The following PDLIM5 variants were observed in gnomAD, a reference collection of about 807,000 sequenced individuals.
PDLIM5 encodes the protein PDZ and LIM domain protein 5.
PDLIM5 carries 34 observed loss-of-function variants against 64.2 expected under a neutral mutation model. That is an observed-to-expected ratio of 0.53 (90% CI 0.40 to 0.71). PDLIM5 has a LOEUF of 0.71. Among genes scored for constraint, PDLIM5 ranks in the 30% least tolerant of loss-of-function variants. PDLIM5 has a pLI of 0.00. For synonymous variants in PDLIM5, 253 were observed against 269.1 expected (o/e 0.94, Z 0.59); for missense variants, 683 against 733.6 (o/e 0.93, Z 0.80).
rs146475252 is a variant in PDLIM5, at chr4:94,512,366, G to A, written c.97-11358G>A. The stretch of plus-strand genomic sequence containing the variant: ...AGGAGCCTTCAAACTGTTCTCCATA[G>A]TGTTGTACTAATTTACGTTCCCACC... On this transcript the variant is annotated intron_variant, in intron 2 of 12. Transcript: ENST00000317968. Among the ~76,000 whole-genome samples, 7 of 152,194 alleles carry A rather than the reference G, an allele frequency of 4.6e-5. No homozygotes were observed. The East Asian group carries it at 1.4e-3, about 29-fold the overall frequency.
intron 3 of PDLIM5, among the ~76,000 whole-genome samples, chr4:94,563,275 A>C (rs1241601089): frequency 6.6e-6 from 1 of 152,224 alleles, no homozygotes; most frequent in Non-Finnish European, 1.5e-5. Context: ...TCTACTTATT[A>C]ATGAATGTGA....
At chr4:94,531,983 C>T (rs1730915524) in intron 3 of PDLIM5, among the ~76,000 whole-genome samples, 1 of 151,918 alleles carries the variant, frequency 6.6e-6, no homozygotes, top group African/African-American at 2.4e-5. Flanking sequence ...TAGAAACATT[C>T]GTTTGGATAC....
intron 8 of PDLIM5, among the ~76,000 whole-genome samples, chr4:94,618,698 C>T (rs1031714302): frequency 6.6e-6 from 1 of 151,234 alleles, no homozygotes; most frequent in African/African-American, 2.5e-5. Context: ...TGCCTGGCCT[C>T]AGTTTGGAAA....
At chr4:94,569,039 TC>T (rs1438195294) in intron 3 of PDLIM5, among the ~76,000 whole-genome samples, 1 of 152,188 alleles carries the variant, frequency 6.6e-6, no homozygotes. Flanking sequence ...TTCTTATTCT[TC>T]CATGACACGA....
chr4:94,605,607 T>C (rs1032929949), intron 7 of PDLIM5, among the ~76,000 whole-genome samples: 3 of 152,188 alleles, frequency 2.0e-5, no homozygotes, highest in Non-Finnish European at 2.9e-5. Context: ...GTTTGTTCCA[T>C]AGTAAATGAG....
intron 3 of PDLIM5, among the ~76,000 whole-genome samples, chr4:94,545,971 A>G (rs1253247316): frequency 6.6e-6 from 1 of 152,160 alleles, no homozygotes; most frequent in Admixed American, 6.6e-5. Flanking sequence ...ATTTTGTAAC[A>G]ACTCCTAGAC....
Position 94,575,615 on chromosome 4 carries a change from G to A in PDLIM5, c.292-1G>A. The A allele has an allele frequency of 3.9e-6, 6 of 1,547,118 alleles. No individual in the cohort carries two copies. The highest frequency in any genetic ancestry group is 5.3e-6 in the Non-Finnish European group (6 of 1,141,958). On this transcript the variant is annotated splice_acceptor_variant, in intron 4 of 12. Transcript: ENST00000317968. LOFTEE classifies it high-confidence loss of function. ...TGTATGTTTATTTTTGTTTTACATA[G>A]GGAGAACCTAAAGAAGTAGTTAAAC...
rs146699097 is a variant in PDLIM5, at chr4:94,555,200, C to T, written c.249-18151C>T. Reference sequence around the variant, plus strand: ...TCTTGAGTAGCTGGGATTACAGGCACGCACCACTATGCCTGGCTAATTTTT... The same window carrying T: ...TCTTGAGTAGCTGGGATTACAGGCATGCACCACTATGCCTGGCTAATTTTT... On this transcript the variant is annotated intron_variant, in intron 3 of 12. Transcript: ENST00000317968. Among the ~76,000 whole-genome samples the T allele has an allele frequency of 5.5e-3, 839 of 151,878 alleles. 9 individuals are homozygous for T. Among genetic ancestry groups the T allele is most frequent in the African/African-American group, 0.019 (799 of 41,358 alleles).
chr4:94,457,427 T>A (rs1254748827), intron 2 of PDLIM5, among the ~76,000 whole-genome samples: 2 of 152,226 alleles, frequency 1.3e-5, no homozygotes, highest in Non-Finnish European at 2.9e-5. Context: ...TTATTTCTTC[T>A]ACTGATGATC....
intron 3 of PDLIM5, among the ~76,000 whole-genome samples, chr4:94,570,873 G>T (rs1202472139): frequency 1.3e-5 from 2 of 152,110 alleles, no homozygotes; most frequent in African/African-American, 4.8e-5. Flanking sequence ...CTGTGTGATT[G>T]TTTACGAGTT....
At position 94,618,037 on chromosome 4, in the gene PDLIM5, C is replaced by T; in HGVS notation, c.954C>T (p.Ser318=). ...AGGAGCCTTCTCCGCAGTTGGCTTCCTCGGTAGCTTCCACACGGAGCATGC... is the reference window on the plus strand; with the variant it reads ...AGGAGCCTTCTCCGCAGTTGGCTTCTTCGGTAGCTTCCACACGGAGCATGC... The part of the protein sequence containing the change: ...NSQEPSPQLA[S]SVASTRSMPE... Residue 318 remains serine (S), a synonymous_variant, in exon 8 of 13, where the codon TCC becomes TCT. Coordinates refer to ENST00000317968, the MANE Select transcript of PDLIM5 (RefSeq NM_006457.5). The T allele has an allele frequency of 6.3e-7, 1 of 1,592,628 alleles. No homozygotes were observed.
At position 94,666,126 on chromosome 4, in the gene PDLIM5, C is replaced by T. The variant is rs1743070553; in HGVS notation, c.*2059C>T. 1.1e-6 allele frequency: 1 copy of T among 905,874 alleles called. No individual in the cohort carries two copies. The highest frequency in any genetic ancestry group is 1.7e-6 in the Non-Finnish European group (1 of 597,222). The allele number at this position is 905,874 out of a possible 1,614,324, so 56.1% of individuals were successfully genotyped here. A position where few individuals can be genotyped will look rare whatever the true frequency, so the allele number is the denominator to read the frequency against. On this transcript the variant is annotated 3_prime_UTR_variant, in exon 13 of 13. Transcript: ENST00000317968. ...GAGCCCTAGGTCCTTCCTGCCCCAT[C>T]ACTCACTTACGACATCACTTCCATT...
chr4:94,472,938 T>C (rs1331589482), intron 2 of PDLIM5, among the ~76,000 whole-genome samples: 1 of 152,216 alleles, frequency 6.6e-6, no homozygotes. Context: ...GTCTGTGCCC[T>C]CTCAAATCTA....
Position 94,482,890 on chromosome 4 carries a change from A to G in PDLIM5, c.96+27506A>G, listed in dbSNP as rs182253101. 2.4e-3 allele frequency among the ~76,000 whole-genome samples: 352 copies of G among 148,752 alleles called. 3 individuals are homozygous for G. Among genetic ancestry groups the G allele is most frequent in the East Asian group, 0.018 (95 of 5,176 alleles). The stretch of plus-strand genomic sequence containing the variant: ...GGTGACAGACCAAGACCCTGTCACT[A>G]AAATAAAATAAAATAAATACAGAAA... On this transcript the variant is annotated intron_variant, in intron 2 of 12. Transcript: ENST00000317968.
intron 2 of PDLIM5, among the ~76,000 whole-genome samples, chr4:94,484,331 A>G (rs1340325619): frequency 6.6e-6 from 1 of 152,222 alleles, no homozygotes; most frequent in African/African-American, 2.4e-5. Flanking sequence ...GTTAAAATTA[A>G]GAAGAAAGTG....
intron 2 of PDLIM5, among the ~76,000 whole-genome samples, chr4:94,463,883 A>T (rs1298427817): frequency 1.3e-5 from 2 of 152,130 alleles, no homozygotes; most frequent in African/African-American, 2.4e-5. Context: ...TTATTAGCTA[A>T]TGGAAGTTAA....
Position 94,467,064 on chromosome 4 carries a change from A to G in PDLIM5, c.96+11680A>G, listed in dbSNP as rs1724428662. On this transcript the variant is annotated intron_variant, in intron 2 of 12. Coordinates refer to ENST00000317968, the MANE Select transcript of PDLIM5 (RefSeq NM_006457.5). ...TTCAAATATTTGGACTCCATGTTAG[A>G]TTTCACAGCAGTACAGTTTAAGTAT... Among the ~76,000 whole-genome samples the G allele has an allele frequency of 3.3e-5, 5 of 152,180 alleles. No individual in the cohort carries two copies. The South Asian group carries it at 1.0e-3, about 31-fold the overall frequency.
intron 7 of PDLIM5, among the ~76,000 whole-genome samples, chr4:94,601,919 G>A (rs1737535355): frequency 6.6e-6 from 1 of 152,170 alleles, no homozygotes; most frequent in African/African-American, 2.4e-5. Flanking sequence ...TTATTGTCAG[G>A]AAGCCAGCAG....
chr4:94,626,370 A>G (rs1739696704), intron 8 of PDLIM5, among the ~76,000 whole-genome samples: 1 of 152,240 alleles, frequency 6.6e-6, no homozygotes, highest in Admixed American at 6.5e-5. Flanking sequence ...AATAGGCATT[A>G]TTTAATGAGG....
Sources: allele counts gnomAD v4.1 joint callset (sites outside exome capture counted in the v4.1 genomes callset), GRCh38; gene constraint gnomAD v4.1.1; transcripts MANE v1.5; gene names NCBI Gene and HGNC (gene_info 2026-07-23, HGNC 2026-07-21).